The following RAD18 variants were observed in gnomAD, a reference collection of about 807,000 sequenced individuals.
The protein encoded by RAD18 is RAD18 E3 ubiquitin protein ligase, also known as E3 ubiquitin-protein ligase RAD18.
A neutral mutation model predicts 60.4 loss-of-function variants in RAD18; 47 were observed. That is an observed-to-expected ratio of 0.78 (90% CI 0.62 to 0.99). The LOEUF (loss-of-function observed/expected upper bound fraction) is 0.99. Among genes scored for constraint, RAD18 ranks in the 50% least tolerant of loss-of-function variants. The probability of loss-of-function intolerance (pLI) is 0.00; values close to 1 mark genes in which losing one functional copy is unlikely to be tolerated. For missense variants in RAD18, 640 were observed against 593.3 expected, an observed-to-expected ratio of 1.08 and a Z score of -0.82; for synonymous variants, 225 against 195.5, an observed-to-expected ratio of 1.15 and a Z score of -1.26.
rs188437707 is a variant in RAD18, at chr3:8,906,087, A to G, written c.1028-3567T>C. Among the ~76,000 whole-genome samples the G allele has an allele frequency of 1.3e-3, 193 of 152,356 alleles. 1 individual carries two copies. Among genetic ancestry groups the G allele is most frequent in the Admixed American group, 2.2e-3 (34 of 15,302 alleles). On this transcript the variant is annotated intron_variant, in intron 9 of 12. Transcript: ENST00000264926. ...AGAGTGTGAATTATGAAAATAACTC[A>G]GTAAATCCAGACCAGCATTTTTTTC...
chr3:8,886,577 T>A (rs753905027), intron 12 of RAD18, among the ~76,000 whole-genome samples: 3 of 152,232 alleles, frequency 2.0e-5, no homozygotes, highest in Non-Finnish European at 4.4e-5. Flanking sequence ...ACATATTTAT[T>A]GAGTGCCTAT....
intron 2 of RAD18, among the ~76,000 whole-genome samples, chr3:8,951,044 C>T (rs1005404231): frequency 1.3e-5 from 2 of 151,950 alleles, no homozygotes; most frequent in African/African-American, 2.4e-5. Flanking sequence ...ATGTAACATA[C>T]ACATAATGGG....
At position 8,902,406 on chromosome 3, in the gene RAD18, G is replaced by A. The variant is rs779142278; in HGVS notation, c.1142C>T (p.Thr381Ile). The change falls in exon 10 of 13, where the codon ACA becomes ATA. Residue 381 changes from threonine (T) to isoleucine (I), a missense_variant. Physicochemically the swap from Thr to Ile is moderately conservative, Grantham distance 89 (BLOSUM62 -1). Coordinates refer to ENST00000264926, the MANE Select transcript of RAD18 (RefSeq NM_020165.4). ...CATGCATACAGAAGATAGCTTTTCT[G>A]TAGATTCATCTTCTTTTGTTATTGT... ...TVTITKEDES[T>I]EKLSSVCMGQ... The A allele has an allele frequency of 6.2e-7, 1 of 1,605,618 alleles. No homozygotes were observed. The highest frequency in any genetic ancestry group is 8.5e-7 in the Non-Finnish European group (1 of 1,175,624).
Position 8,906,755 on chromosome 3 carries a change from T to C in RAD18, c.1028-4235A>G, listed in dbSNP as rs9876004. Among the ~76,000 whole-genome samples the C allele has an allele frequency of 2.7e-3, 409 of 151,112 alleles. 2 individuals are homozygous for C. The highest frequency in any genetic ancestry group is 9.0e-3 in the African/African-American group (373 of 41,236). On this transcript the variant is annotated intron_variant, in intron 9 of 12. Transcript: ENST00000264926. The stretch of plus-strand genomic sequence containing the variant: ...GTCTCTGTTATTCCATCTGGGCTAA[T>C]AGAAATCTCTATTTCTATTTTTTGG...
chr3:8,947,478 T>C (rs1940856920), intron 3 of RAD18, among the ~76,000 whole-genome samples, 188 bp from the exon 4 acceptor site: 1 of 152,216 alleles, frequency 6.6e-6, no homozygotes, highest in South Asian at 2.1e-4. Flanking sequence ...AATCAGTATC[T>C]GCTGACTGGA....
rs540502914 is a variant in RAD18, at chr3:8,902,175, T to C, written c.1168+205A>G. Among the ~76,000 whole-genome samples, 35 of 152,290 alleles carry C rather than the reference T, an allele frequency of 2.3e-4. No individual in the cohort carries two copies. The South Asian group carries it at 6.6e-3, about 29-fold the overall frequency. On this transcript the variant is annotated intron_variant, in intron 10 of 12. Coordinates refer to ENST00000264926, the MANE Select transcript of RAD18 (RefSeq NM_020165.4). ...TGAAAGGACGATAGACAAAAAGAGA[T>C]TGTTTCTTCAGGACATTCTTCCAAC...
At chr3:8,914,378 A>G (rs1334669158) in intron 7 of RAD18, among the ~76,000 whole-genome samples, 3 of 152,228 alleles carry the variant, frequency 2.0e-5, no homozygotes, top group African/African-American at 7.2e-5. Flanking sequence ...CTTAAAAATT[A>G]TATCTGGAAT....
Position 8,913,670 on chromosome 3 carries a change from G to T in RAD18, c.940C>A (p.Leu314Ile). 6.4e-7 allele frequency: 1 copy of T among 1,574,172 alleles called. No homozygotes were observed. Among genetic ancestry groups the T allele is most frequent in the Non-Finnish European group, 8.6e-7 (1 of 1,158,312 alleles). Residue 314 changes from leucine (L) to isoleucine (I), a missense_variant, in exon 8 of 13, where the codon CTT (leucine) becomes ATT (isoleucine). Leu to Ile is a conservative substitution (Grantham distance 5, BLOSUM62 2). Transcript: ENST00000264926. ...CTTTCATTGAGTTTACTAGCTTCAAGACGCATCCTAGTCTTCTCTATATTT... is the reference window on the plus strand; with the variant it reads ...CTTTCATTGAGTTTACTAGCTTCAATACGCATCCTAGTCTTCTCTATATTT... ...IENIEKTRMR[L>I]EASKLNESVM...
chr3:8,947,359 GA>G, intron 3 of RAD18, 69 bp from the exon 4 acceptor site: 1 of 1,297,792 alleles, frequency 7.7e-7, no homozygotes, highest in Non-Finnish European at 1.1e-6. Flanking sequence ...TCTTGTTTTT[GA>G]AAATGTCTGA....
At chr3:8,896,962 AT>A (rs1331011716) in intron 11 of RAD18, among the ~76,000 whole-genome samples, 1 of 152,206 alleles carries the variant, frequency 6.6e-6, no homozygotes, top group African/African-American at 2.4e-5. Context: ...GAAAAAAAAA[AT>A]AAGAACATTA....
In RAD18 at chr3:8,935,917, A is replaced by C; in HGVS notation, c.843T>G (p.Phe281Leu). ...CGCATTGGGCATTGTACATGTGTAC[A>C]AATTCTTGGTGCCTTTTAATGAGCT... ...KQQLIKRHQE[F>L]VHMYNAQCDA... Residue 281 changes from phenylalanine (F) to leucine (L), a missense_variant, in exon 7 of 13, where the codon TTT (phenylalanine) becomes TTG (leucine). Transcript: ENST00000264926. The C allele has an allele frequency of 1.2e-6, 2 of 1,611,870 alleles. No homozygotes were observed. The highest frequency in any genetic ancestry group is 2.2e-5 in the South Asian group (2 of 90,630).
At chr3:8,908,821 A>G (rs1186251500) in intron 9 of RAD18, among the ~76,000 whole-genome samples, 2 of 152,186 alleles carry the variant, frequency 1.3e-5, no homozygotes, top group East Asian at 3.9e-4. Context: ...AAAGATATAA[A>G]CTCCAACAGA....
At chr3:8,949,952 C>T (rs901432791) in intron 2 of RAD18, among the ~76,000 whole-genome samples, 1 of 152,094 alleles carries the variant, frequency 6.6e-6, no homozygotes, top group Non-Finnish European at 1.5e-5. Context: ...TGGAGAAAAA[C>T]CCCCCAGTCC....
intron 12 of RAD18, chr3:8,890,063 C>T: frequency 3.1e-6 from 1 of 321,240 alleles, no homozygotes; most frequent in South Asian, 3.6e-5. Flanking sequence ...GGTAAGTATA[C>T]TCTGATGTTC....
intron 11 of RAD18, 111 bp downstream of exon 11, chr3:8,898,783 G>C (rs1460767335): frequency 2.1e-6 from 2 of 943,374 alleles, no homozygotes; most frequent in African/African-American, 1.7e-5. Flanking sequence ...AAATGTAAGA[G>C]TGACACACCA....
chr3:8,946,263 T>C (rs974300447), intron 4 of RAD18, among the ~76,000 whole-genome samples: 1 of 152,386 alleles, frequency 6.6e-6, no homozygotes, highest in Non-Finnish European at 1.5e-5. Flanking sequence ...GTATTAGCTA[T>C]AGTAACATGC....
rs111803342 is a variant in RAD18 at position 8,879,515 on chromosome 3, G to A, written c.*1842C>T. 1.2e-4 allele frequency: 18 copies of A among 152,418 alleles called. No homozygotes were observed. The highest frequency in any genetic ancestry group is 4.1e-4 in the African/African-American group (17 of 41,580). The allele number at this position is 152,418 out of a possible 1,614,324, so 9.4% of individuals were successfully genotyped here. ...CAGAATTCTGAGAATACACATTTCT[G>A]TTGTGTAAGCTTCCCCGTCTGCAGT... On this transcript the variant is annotated 3_prime_UTR_variant, in exon 13 of 13. Transcript: ENST00000264926.
intron 12 of RAD18, among the ~76,000 whole-genome samples, chr3:8,882,042 T>C (rs1939472191): frequency 6.6e-6 from 1 of 152,140 alleles, no homozygotes; most frequent in Non-Finnish European, 1.5e-5. Flanking sequence ...TGCCAGCTCT[T>C]TTCCACGAGC....
At chr3:8,932,680 C>T (rs1468943870) in intron 7 of RAD18, among the ~76,000 whole-genome samples, 1 of 152,164 alleles carries the variant, frequency 6.6e-6, no homozygotes, top group Non-Finnish European at 1.5e-5. Context: ...GACCTGTGAA[C>T]CCATGTTCAT....
Sources: allele counts gnomAD v4.1 joint callset (sites outside exome capture counted in the v4.1 genomes callset), GRCh38; gene constraint gnomAD v4.1.1; transcripts MANE v1.5; gene names NCBI Gene and HGNC (gene_info 2026-07-23, HGNC 2026-07-21).